Variants in ZNF454 observed in about 807,000 individuals in gnomAD.
ZNF454 encodes the protein zinc finger protein 454.
A neutral mutation model predicts 48.2 loss-of-function variants in ZNF454; 30 were observed. The observed-to-expected ratio is 0.62, with a 90% CI of 0.47 to 0.84. ZNF454 has a LOEUF of 0.84. Ranked by LOEUF, ZNF454 falls within the 40% of genes least tolerant of loss-of-function variation. The pLI, the probability that ZNF454 is intolerant of heterozygous loss-of-function variation, is 0.00. For missense variants in ZNF454, 510 were observed against 623.1 expected (o/e 0.82, Z 1.93); for synonymous variants, 204 against 211.4 (o/e 0.97, Z 0.30).
At chr5:178,959,951 C>CT (rs554563623) in intron 4 of ZNF454, among the ~76,000 whole-genome samples, 110 of 144,320 alleles carry the variant, frequency 7.6e-4, no homozygotes, top group Non-Finnish European at 9.8e-4. Context: ...CTTTTCTTTT[C>CT]TTTTTTTTGT....
At chr5:178,943,837 A>G (rs1292956219) in intron 2 of ZNF454, among the ~76,000 whole-genome samples, 1 of 152,148 alleles carries the variant, frequency 6.6e-6, no homozygotes, top group Non-Finnish European at 1.5e-5. Flanking sequence ...CATCCTGGCT[A>G]ACACAGTGAA....
At chr5:178,969,752 C>G, downstream of ZNF454, 1 of 423,944 alleles carries the variant, frequency 2.4e-6, no homozygotes, top group South Asian at 1.7e-5. Flanking sequence ...TTCCGAGACC[C>G]ATCACAGTGC....
the ZNF454 span, chr5:178,985,594 T>G: frequency 5.8e-6 from 2 of 346,980 alleles, no homozygotes; most frequent in Non-Finnish European, 1.1e-5. Flanking sequence ...TCCCAGCTAC[T>G]CGGGAGGCTG....
At chr5:178,968,451 A>G (rs1168065347), downstream of ZNF454, among the ~76,000 whole-genome samples, 1 of 152,214 alleles carries the variant, frequency 6.6e-6, no homozygotes, top group Non-Finnish European at 1.5e-5. Context: ...ATCTAAATTC[A>G]GCCTTCATCT....
chr5:178,969,926 G>A (rs531388766), downstream of ZNF454, among the ~76,000 whole-genome samples: 37 of 152,190 alleles, frequency 2.4e-4, no homozygotes, highest in Admixed American at 2.4e-3. Flanking sequence ...GTCTCCTGCC[G>A]GGTGCCCCTC....
intron 4 of ZNF454, among the ~76,000 whole-genome samples, chr5:178,961,136 G>A (rs1477615434): frequency 1.3e-5 from 2 of 151,104 alleles, no homozygotes; most frequent in African/African-American, 4.8e-5. Flanking sequence ...TCACCACGTT[G>A]GCCAGGATGG....
At chr5:178,970,202 T>C (rs7731646), downstream of ZNF454, among the ~76,000 whole-genome samples, 150,285 of 152,240 alleles carry the variant, frequency 0.99, 74,216 homozygotes, top group East Asian at 1. Context: ...TAGCCTCCCC[T>C]TATCTGATTC....
At chr5:178,973,859 A>G in the ZNF454 span, among the ~76,000 whole-genome samples, 31 of 147,792 alleles carry the variant, frequency 2.1e-4, no homozygotes, top group South Asian at 2.1e-4. Flanking sequence ...AAAAAAAAAA[A>G]AGGTCGACTG....
At chr5:178,986,598 C>T in the ZNF454 span, 5 of 1,605,034 alleles carry the variant, frequency 3.1e-6, no homozygotes, top group Non-Finnish European at 4.2e-6. Context: ...CGCATGTGAA[C>T]TCGTCCACCT....
chr5:178,966,937 G>A (rs1760172737), downstream of ZNF454, among the ~76,000 whole-genome samples: 1 of 152,120 alleles, frequency 6.6e-6, no homozygotes, highest in African/African-American at 2.4e-5. Flanking sequence ...TGTCTGCATG[G>A]TGCCACCTAT....
chr5:178,983,367 G>A, the ZNF454 span: 13 of 764,314 alleles, frequency 1.7e-5, no homozygotes, highest in African/African-American at 1.7e-4. Context: ...GCTCTCAGGA[G>A]CACTCAGTGG....
the ZNF454 span, chr5:178,983,032 C>T: frequency 2.5e-6 from 4 of 1,613,952 alleles, no homozygotes; most frequent in Non-Finnish European, 3.4e-6. Context: ...ACGCCACGGG[C>T]CTTGATGGCG....
intron 4 of ZNF454, among the ~76,000 whole-genome samples, chr5:178,950,531 T>C (rs1166461082): frequency 1.3e-5 from 2 of 152,200 alleles, no homozygotes; most frequent in Non-Finnish European, 2.9e-5. Context: ...CCAAAATAGT[T>C]TTAATTACAT....
chr5:178,959,579 T>C (rs547670872), intron 4 of ZNF454, among the ~76,000 whole-genome samples: 3 of 152,328 alleles, frequency 2.0e-5, no homozygotes, highest in Admixed American at 2.0e-4. Context: ...GAATTTGAGG[T>C]CAAATGTGTT....
At chr5:178,985,797 T>C in the ZNF454 span, 2 of 514,212 alleles carry the variant, frequency 3.9e-6, no homozygotes, top group Non-Finnish European at 7.3e-6. Context: ...GGTCTTACTC[T>C]GACACCCAAG....
the ZNF454 span, chr5:178,983,446 A>G: frequency 4.3e-6 from 3 of 695,810 alleles, no homozygotes; most frequent in Non-Finnish European, 7.9e-6. Context: ...GTGACCTGGC[A>G]GCTGCGGAGA....
At chr5:178,969,549 G>A, downstream of ZNF454, 2 of 456,990 alleles carry the variant, frequency 4.4e-6, no homozygotes, top group South Asian at 3.1e-5. Flanking sequence ...TGGCCACCTG[G>A]TGATGTGCCA....
the ZNF454 span, chr5:178,989,074 A>T: frequency 6.2e-6 from 10 of 1,613,940 alleles, no homozygotes; most frequent in African/African-American, 1.2e-4. Flanking sequence ...ACACCGCATC[A>T]ATCACAAACT....
Position 178,941,727 on chromosome 5 carries a change from G to C in ZNF454, c.-108+283G>C, listed in dbSNP as rs1759097887. Among the ~76,000 whole-genome samples the C allele has an allele frequency of 6.6e-6, 1 of 152,178 alleles. No individual in the cohort carries two copies. Among genetic ancestry groups the C allele is most frequent in the South Asian group, 2.1e-4 (1 of 4,828 alleles). ...GGCGAAGCGGCAGGGGCGGGACGGGGCTGTGTGTGATTAGGGTTCCTAACC... is the reference window on the plus strand; with the variant it reads ...GGCGAAGCGGCAGGGGCGGGACGGGCCTGTGTGTGATTAGGGTTCCTAACC... On this transcript the variant is annotated intron_variant, in intron 1 of 4. Transcript: ENST00000519564. This position sits in a 1 kb window ranked among gnomAD's most constrained non-coding sequence, Gnocchi z 5.5.
Sources: gnomAD v4.1 joint callset for allele counts (sites outside exome capture counted in the v4.1 genomes callset) on GRCh38, gnomAD v4.1.1 for gene constraint, Gnocchi (gnomAD v3.1) non-coding constraint, MANE v1.5 for transcripts, NCBI Gene and HGNC (gene_info 2026-07-23, HGNC 2026-07-21) for gene names.